The following ZNF577 variants were observed in gnomAD, a reference collection of about 807,000 sequenced individuals.
ZNF577 encodes zinc finger protein 577.
A neutral mutation model predicts 13.9 loss-of-function variants in ZNF577; 14 were observed. The ratio of observed to expected loss-of-function variants is 1.00; its 90% CI spans 0.66 to 1.57. ZNF577 has a LOEUF of 1.57. ZNF577 is among the 40% of genes most tolerant of loss of function. The probability of loss-of-function intolerance (pLI) is 0.00; values close to 1 mark genes in which losing one functional copy is unlikely to be tolerated. For synonymous variants in ZNF577, 203 were observed against 202.9 expected (o/e 1.00, Z 0.00); for missense variants, 555 against 579.2 (o/e 0.96, Z 0.43).
intron 5 of ZNF577, among the ~76,000 whole-genome samples, chr19:51,859,810 C>T (rs2084477417): frequency 6.6e-6 from 1 of 151,992 alleles, no homozygotes; most frequent in African/African-American, 2.4e-5. Flanking sequence ...AACATTTTGT[C>T]TTATGTTGAG....
At chr19:51,826,973 T>G (rs2084235295) in intron 9 of ZNF577, among the ~76,000 whole-genome samples, 1 of 152,132 alleles carries the variant, frequency 6.6e-6, no homozygotes, top group Admixed American at 6.6e-5. Flanking sequence ...GGTTCTACAA[T>G]AGAGGTGTTA....
At chr19:51,815,087 G>A (rs2084125551) in intron 9 of ZNF577, among the ~76,000 whole-genome samples, 1 of 152,122 alleles carries the variant, frequency 6.6e-6, no homozygotes, top group African/African-American at 2.4e-5. Context: ...TGGGATTGCA[G>A]GCGCGAGCCA....
At chr19:51,879,117 C>T (rs947954283) in intron 3 of ZNF577, among the ~76,000 whole-genome samples, 1 of 151,948 alleles carries the variant, frequency 6.6e-6, no homozygotes, top group African/African-American at 2.4e-5. Flanking sequence ...ATTAGCTGGG[C>T]ATGGTGGTGG....
intron 5 of ZNF577, among the ~76,000 whole-genome samples, chr19:51,857,636 G>A (rs554435961): frequency 2.4e-4 from 36 of 152,234 alleles, no homozygotes; most frequent in Admixed American, 1.6e-3. Context: ...TCAAAGCTCT[G>A]TCTTTGAACC....
At chr19:51,811,829 C>T (rs762604873) in intron 9 of ZNF577, among the ~76,000 whole-genome samples, 3 of 152,174 alleles carry the variant, frequency 2.0e-5, no homozygotes, top group Admixed American at 6.5e-5. Context: ...TGGGAGTAGT[C>T]GTGAGTTTGC....
downstream of ZNF577, among the ~76,000 whole-genome samples, chr19:51,804,469 G>A (rs1005145672): frequency 4.6e-5 from 7 of 151,834 alleles, no homozygotes; most frequent in South Asian, 4.2e-4. Context: ...ATATATAACC[G>A]CATCAAAACA....
chr19:51,870,446 T>C lies in ZNF577; in HGVS notation c.*2086A>G, dbSNP rs761637161. Among the ~76,000 whole-genome samples the C allele has an allele frequency of 6.6e-6, 1 of 152,160 alleles. No homozygotes were observed. Among genetic ancestry groups the C allele is most frequent in the Non-Finnish European group, 1.5e-5 (1 of 68,042 alleles). ...GAGGAGAGTTCGAGGCAGCCTTTAC[T>C]GTAGAGCAAATCTGAGCCACCCACA... On this transcript the variant is annotated 3_prime_UTR_variant, in exon 6 of 6. Coordinates refer to ENST00000638348, the MANE Select transcript of ZNF577 (RefSeq NM_001370449.1).
Position 51,873,051 on chromosome 19 carries a change from C to G in ZNF577, c.939G>C (p.Leu313=), listed in dbSNP as rs760038002. The G allele has an allele frequency of 9.3e-6, 15 of 1,614,028 alleles. No individual in the cohort carries two copies. The highest frequency in any genetic ancestry group is 1.6e-4 in the Middle Eastern group (1 of 6,084). Residue 313 remains leucine (L), a synonymous_variant, in exon 6 of 6, where the codon CTG becomes CTC. Coordinates refer to ENST00000638348, the MANE Select transcript of ZNF577 (RefSeq NM_001370449.1). ...CGRTFYFKSD[L]TRHQRIHTGE... ...CCGTATGAATCCTCTGATGTCTGGT[C>G]AGGTCTGACTTAAAATAGAAGGTTC...
intron 5 of ZNF577, among the ~76,000 whole-genome samples, chr19:51,854,870 G>C (rs1046434357): frequency 1.3e-5 from 2 of 151,928 alleles, no homozygotes; most frequent in Non-Finnish European, 2.9e-5. Context: ...CCTCAGACTG[G>C]ATAATTTCCA....
chr19:51,840,654 T>A (rs186104706), intron 8 of ZNF577: 1 of 152,264 alleles, frequency 6.6e-6, no homozygotes, highest in Admixed American at 6.5e-5. Context: ...TGAACAGTCA[T>A]GTGAAATAGA....
In ZNF577 at chr19:51,869,028, G is replaced by A. The variant is rs1396845534; in HGVS notation, c.*3504C>T. On this transcript the variant is annotated 3_prime_UTR_variant, in exon 6 of 6. Transcript: ENST00000638348. ...GAAGGCCGCAGGGACCTCTGCCCAA[G>A]AAAGCCTGGGTATCGTCCAAGGTTT... Among the ~76,000 whole-genome samples the A allele has an allele frequency of 7.0e-6, 1 of 143,314 alleles. No homozygotes were observed. The highest frequency in any genetic ancestry group is 1.5e-5 in the Non-Finnish European group (1 of 67,972). The allele number at this position is 143,314 out of a possible 152,430, so 94.0% of individuals were successfully genotyped here. A position where few individuals can be genotyped will look rare whatever the true frequency, so the allele number is the denominator to read the frequency against.
intron 9 of ZNF577, among the ~76,000 whole-genome samples, chr19:51,815,506 T>C (rs1599837273): frequency 6.7e-6 from 1 of 149,916 alleles, no homozygotes; most frequent in Non-Finnish European, 1.5e-5. Flanking sequence ...GAGGTGGAGG[T>C]TGCAGTGAGC....
intron 9 of ZNF577, among the ~76,000 whole-genome samples, chr19:51,816,989 T>C (rs1312987639): frequency 6.6e-6 from 1 of 152,180 alleles, no homozygotes; most frequent in East Asian, 1.9e-4. Flanking sequence ...TTCATTTCCC[T>C]GAATCTCTGA....
chr19:51,818,479 A>C (rs2084161282), intron 9 of ZNF577, among the ~76,000 whole-genome samples: 1 of 152,254 alleles, frequency 6.6e-6, no homozygotes, highest in Admixed American at 6.5e-5. Context: ...TCAGTGCAGA[A>C]AGTATTTATG....
rs148519179 is a variant in ZNF577 at position 51,848,341 on chromosome 19, G to T, written c.284-3410C>A. On this transcript the variant is annotated intron_variant and NMD_transcript_variant, in intron 5 of 10. Transcript: ENST00000638827. ...TGGGTCCCTAGGGGAAAGAAGGGAGGGAGAATTAGGAAGCTTGTACAGCTA... is the reference window on the plus strand; with the variant it reads ...TGGGTCCCTAGGGGAAAGAAGGGAGTGAGAATTAGGAAGCTTGTACAGCTA... 9.7e-3 allele frequency among the ~76,000 whole-genome samples: 1,483 copies of T among 152,270 alleles called. 31 individuals are homozygous for T. Among genetic ancestry groups the T allele is most frequent in the African/African-American group, 0.033 (1,365 of 41,548 alleles).
intron 1 of ZNF577, among the ~76,000 whole-genome samples, chr19:51,883,471 T>A (rs965133756): frequency 3.9e-5 from 6 of 152,032 alleles, no homozygotes; most frequent in Admixed American, 6.6e-5. Flanking sequence ...CAACTCCCAG[T>A]TTTTCCTTTT....
intron 9 of ZNF577, among the ~76,000 whole-genome samples, chr19:51,819,379 G>A (rs2084170896): frequency 6.6e-6 from 1 of 152,072 alleles, no homozygotes; most frequent in South Asian, 2.1e-4. Flanking sequence ...ATAGAATGTG[G>A]GACACCCTAA....
chr19:51,864,393 C>T (rs1473272978), downstream of ZNF577, among the ~76,000 whole-genome samples: 1 of 151,820 alleles, frequency 6.6e-6, no homozygotes, highest in African/African-American at 2.4e-5. Flanking sequence ...CCCTGACTCC[C>T]GCCCCTGACT....
At chr19:51,883,441 C>T (rs2084894915) in intron 1 of ZNF577, among the ~76,000 whole-genome samples, 1 of 152,042 alleles carries the variant, frequency 6.6e-6, no homozygotes, top group South Asian at 2.1e-4. Flanking sequence ...TATAGTTTAA[C>T]TTGTTGTTCT....
Sources: allele counts gnomAD v4.1 joint callset (sites outside exome capture counted in the v4.1 genomes callset), GRCh38; gene constraint gnomAD v4.1.1; transcripts MANE v1.5; gene names NCBI Gene and HGNC (gene_info 2026-07-23, HGNC 2026-07-21).